ZMYM2: variants seen among roughly 807,000 people sequenced by gnomAD.
ZMYM2 encodes zinc finger MYM-type protein 2.
In ZMYM2, 56 loss-of-function variants were observed where a neutral mutation model predicts 162.8. That is an observed-to-expected ratio of 0.34 (90% CI 0.28 to 0.43). The LOEUF is 0.43. Among genes scored for constraint, ZMYM2 ranks in the 20% least tolerant of loss-of-function variants. ZMYM2 has a pLI of 1.00. For synonymous variants in ZMYM2, 510 were observed against 541.6 expected, an observed-to-expected ratio of 0.94 and a Z score of 0.81; for missense variants, 1,275 against 1,621.8, an observed-to-expected ratio of 0.79 and a Z score of 3.67.
intron 9 of ZMYM2, among the ~76,000 whole-genome samples, chr13:20,027,581 A>G (rs1345898949): frequency 6.6e-6 from 1 of 152,116 alleles, no homozygotes; most frequent in Non-Finnish European, 1.5e-5. Flanking sequence ...GCTGATGTGT[A>G]GTTTTTTCTT....
chr13:19,975,103 T>C (rs1805648743), intron 2 of ZMYM2, among the ~76,000 whole-genome samples: 1 of 151,890 alleles, frequency 6.6e-6, no homozygotes, highest in Non-Finnish European at 1.5e-5. Flanking sequence ...TATTACGATA[T>C]GACAAAAATT....
the ZMYM2 span, among the ~76,000 whole-genome samples, chr13:19,907,720 C>T: frequency 7.9e-6 from 1 of 126,086 alleles, no homozygotes; most frequent in Non-Finnish European, 1.6e-5. Context: ...CGAGATTGTG[C>T]CACTGCACTC....
chr13:20,031,943 T>C (rs1454569593), intron 10 of ZMYM2, among the ~76,000 whole-genome samples: 3 of 147,208 alleles, frequency 2.0e-5, no homozygotes, highest in Non-Finnish European at 4.5e-5. Flanking sequence ...CGATCTCGGC[T>C]CACTGCAATC....
chr13:20,007,749 T>C (rs1950862220), intron 6 of ZMYM2, among the ~76,000 whole-genome samples: 1 of 151,376 alleles, frequency 6.6e-6, no homozygotes, highest in African/African-American at 2.4e-5. Flanking sequence ...GCCTCCTGAG[T>C]AGCTGGGATT....
the ZMYM2 span, among the ~76,000 whole-genome samples, chr13:19,950,500 C>T: frequency 3.3e-5 from 5 of 152,296 alleles, no homozygotes; most frequent in East Asian, 1.9e-4. Flanking sequence ...CAGTCATAGG[C>T]GGCCAGCTCT....
chr13:20,022,437 CTTGT>C (rs1952199070), intron 7 of ZMYM2, among the ~76,000 whole-genome samples: 1 of 152,116 alleles, frequency 6.6e-6, no homozygotes, highest in Non-Finnish European at 1.5e-5. Context: ...TGTGTGTTAA[CTTGT>C]TTAAGGGGAT....
At chr13:19,933,759 A>G in the ZMYM2 span, among the ~76,000 whole-genome samples, 2 of 152,166 alleles carry the variant, frequency 1.3e-5, no homozygotes, top group Non-Finnish European at 1.5e-5. Context: ...TTGTCCGTCA[A>G]TGACAGTTGT....
At chr13:19,906,774 T>C in the ZMYM2 span, among the ~76,000 whole-genome samples, 5 of 152,136 alleles carry the variant, frequency 3.3e-5, no homozygotes, top group African/African-American at 1.2e-4. Context: ...TTGCCAAGGC[T>C]GGTCTTGAAC....
chr13:19,890,505 T>TAAAA, the ZMYM2 span, among the ~76,000 whole-genome samples: 73 of 98,450 alleles, frequency 7.4e-4, 3 homozygotes, highest in African/African-American at 2.9e-3. Context: ...AGTGCTTTTG[T>TAAAA]AAAAAAAAAA....
At chr13:19,930,126 C>T in the ZMYM2 span, among the ~76,000 whole-genome samples, 1 of 152,020 alleles carries the variant, frequency 6.6e-6, no homozygotes, top group Non-Finnish European at 1.5e-5. Context: ...ATTTGTCAGG[C>T]ACGGTGGCTC....
At chr13:19,880,886 GTTTTGTT>G in the ZMYM2 span, among the ~76,000 whole-genome samples, 2 of 147,718 alleles carry the variant, frequency 1.4e-5, no homozygotes, top group Non-Finnish European at 3.0e-5. Flanking sequence ...TTTTGTTTTT[GTTTTGTT>G]TTTTGTTTTT....
At chr13:20,063,925 AT>A (rs1956470807) in intron 18 of ZMYM2, among the ~76,000 whole-genome samples, 1 of 144,970 alleles carries the variant, frequency 6.9e-6, no homozygotes, top group Non-Finnish European at 1.5e-5. Context: ...TATTTTATAT[AT>A]ATTATATAGT....
chr13:20,001,161 G>A (rs1382495216), intron 3 of ZMYM2, among the ~76,000 whole-genome samples: 2 of 152,170 alleles, frequency 1.3e-5, no homozygotes, highest in Admixed American at 6.6e-5. Flanking sequence ...GGTGACTGAG[G>A]CAAATGGATC....
the ZMYM2 span, among the ~76,000 whole-genome samples, chr13:19,884,745 A>G: frequency 6.6e-6 from 1 of 152,094 alleles, no homozygotes; most frequent in Non-Finnish European, 1.5e-5. Context: ...TCTCGCGATA[A>G]ATGTTACAGC....
At chr13:20,040,876 G>C (rs1158916460) in intron 12 of ZMYM2, among the ~76,000 whole-genome samples, 1 of 152,160 alleles carries the variant, frequency 6.6e-6, no homozygotes, top group Non-Finnish European at 1.5e-5. Flanking sequence ...AAGTTGTTCA[G>C]AACAGGTTAT....
At chr13:19,873,553 CAT>C in the ZMYM2 span, among the ~76,000 whole-genome samples, 4 of 152,076 alleles carry the variant, frequency 2.6e-5, no homozygotes, top group Admixed American at 2.6e-4. Context: ...TGATTACAGG[CAT>C]GTGTCACCAC....
chr13:20,016,259 A>C (rs1462432103), intron 6 of ZMYM2, among the ~76,000 whole-genome samples: 1 of 152,134 alleles, frequency 6.6e-6, no homozygotes, highest in Non-Finnish European at 1.5e-5. Flanking sequence ...CAAGTTAATC[A>C]GCTTTTAAAA....
chr13:20,074,470 A>C (rs571481672), intron 21 of ZMYM2, among the ~76,000 whole-genome samples: 2 of 151,846 alleles, frequency 1.3e-5, no homozygotes, highest in African/African-American at 4.8e-5. Flanking sequence ...TCCTGGGCCC[A>C]AGCAATCCAC....
the ZMYM2 span, among the ~76,000 whole-genome samples, chr13:19,949,715 C>T: frequency 1.3e-5 from 2 of 151,172 alleles, no homozygotes; most frequent in African/African-American, 2.4e-5. Context: ...GGTGAAACGC[C>T]GTTTCTACTA....
Sources: gnomAD v4.1 joint callset for allele counts (sites outside exome capture counted in the v4.1 genomes callset) on GRCh38, gnomAD v4.1.1 for gene constraint, MANE v1.5 for transcripts, NCBI Gene and HGNC (gene_info 2026-07-23, HGNC 2026-07-21) for gene names.